LINGO2: variants seen among roughly 807,000 people sequenced by gnomAD.
LINGO2 encodes leucine-rich repeat and immunoglobulin-like domain-containing nogo receptor-interacting protein 2.
A neutral mutation model predicts 30.6 loss-of-function variants in LINGO2; 14 were observed. That is an observed-to-expected ratio of 0.46 (90% confidence interval 0.30 to 0.72). The LOEUF is 0.72. LINGO2 is among the 30% of genes least tolerant of loss of function. The probability of loss-of-function intolerance (pLI) is 0.07; values close to 1 mark genes in which losing one functional copy is unlikely to be tolerated. For synonymous variants in LINGO2, 317 were observed against 288.5 expected, an observed-to-expected ratio of 1.10 and a Z score of -1.00; for missense variants, 729 against 751.7, an observed-to-expected ratio of 0.97 and a Z score of 0.35.
intron 4 of LINGO2, among the ~76,000 whole-genome samples, chr9:28,098,669 C>T (rs970857886): frequency 1.3e-5 from 2 of 152,078 alleles, no homozygotes; most frequent in African/African-American, 4.8e-5. Context: ...TTATAAGAGT[C>T]AAGAATGCTA....
chr9:28,435,905 G>A lies in LINGO2; in HGVS notation c.-279+40035C>T, dbSNP rs180780578. On this transcript the variant is annotated intron_variant, in intron 2 of 5. Coordinates refer to ENST00000379992, the Ensembl canonical transcript of LINGO2. Reference sequence around the variant, plus strand: ...AATAGAAAGAGTGCACTGGGGACGTGAGATTTTAGAACAGTAAATACTCAC... The same window carrying A: ...AATAGAAAGAGTGCACTGGGGACGTAAGATTTTAGAACAGTAAATACTCAC... Among the ~76,000 whole-genome samples, 7 of 152,304 alleles carry A rather than the reference G, an allele frequency of 4.6e-5. No homozygotes were observed. The East Asian group carries it at 1.2e-3, about 25-fold the overall frequency.
At chr9:28,541,033 G>C (rs573642306) in intron 1 of LINGO2, among the ~76,000 whole-genome samples, 1 of 152,124 alleles carries the variant, frequency 6.6e-6, no homozygotes, top group Non-Finnish European at 1.5e-5. Context: ...ACACATTTCT[G>C]ATAGCATTCA....
intron 2 of LINGO2, among the ~76,000 whole-genome samples, chr9:28,438,014 G>GT (rs1271746502): frequency 1.3e-5 from 2 of 152,126 alleles, no homozygotes; most frequent in African/African-American, 2.4e-5. Flanking sequence ...GGGGGAAGTT[G>GT]TAAGTTTGAA....
the LINGO2 span, among the ~76,000 whole-genome samples, chr9:28,717,368 G>T: frequency 6.6e-6 from 1 of 151,726 alleles, no homozygotes; most frequent in Non-Finnish European, 1.5e-5. Flanking sequence ...AAGATGAAGG[G>T]GGGATTTTTA....
chr9:28,479,956 T>TATACAC (rs1491144467), intron 1 of LINGO2, among the ~76,000 whole-genome samples: 1 of 105,050 alleles, frequency 9.5e-6, no homozygotes, highest in East Asian at 2.9e-4. Flanking sequence ...TATATATATA[T>TATACAC]GTACATTTTG....
intron 5 of LINGO2, among the ~76,000 whole-genome samples, chr9:27,996,568 G>C (rs984292966): frequency 2.0e-5 from 3 of 152,142 alleles, no homozygotes; most frequent in Non-Finnish European, 4.4e-5. Flanking sequence ...ATCTCATGGA[G>C]GTAGTAAATG....
chr9:28,368,957 T>C (rs1257591969), intron 3 of LINGO2, among the ~76,000 whole-genome samples: 1 of 152,196 alleles, frequency 6.6e-6, no homozygotes, highest in Non-Finnish European at 1.5e-5. Flanking sequence ...ACTTCTCCAG[T>C]TGAATTACAG....
intron 1 of LINGO2, among the ~76,000 whole-genome samples, chr9:28,607,516 T>C (rs983524827): frequency 1.3e-5 from 2 of 152,058 alleles, no homozygotes; most frequent in African/African-American, 4.8e-5. Flanking sequence ...AGCCTGAAAC[T>C]GCCTTGACTC....
intron 1 of LINGO2, among the ~76,000 whole-genome samples, chr9:28,632,671 T>C (rs1827006163): frequency 7.2e-6 from 1 of 138,810 alleles, no homozygotes; most frequent in Non-Finnish European, 1.5e-5. Flanking sequence ...CTATATAAAA[T>C]ATCTATATAA....
intron 1 of LINGO2, among the ~76,000 whole-genome samples, chr9:28,615,398 G>C (rs1443458666): frequency 6.6e-6 from 1 of 152,124 alleles, no homozygotes; most frequent in African/African-American, 2.4e-5. Flanking sequence ...CAGTATAGCA[G>C]AAAAAGGGCT....
At chr9:28,988,273 C>T in the LINGO2 span, among the ~76,000 whole-genome samples, 1 of 152,022 alleles carries the variant, frequency 6.6e-6, no homozygotes, top group African/African-American at 2.4e-5. Context: ...TCTTTTCATA[C>T]AATATAATAG....
the LINGO2 span, among the ~76,000 whole-genome samples, chr9:29,166,801 C>A: frequency 7.2e-5 from 11 of 152,082 alleles, no homozygotes; most frequent in East Asian, 1.9e-3. Flanking sequence ...ATTATAGGTA[C>A]CTTAAAATCA....
chr9:28,001,510 A>T (rs1281711906), intron 5 of LINGO2, among the ~76,000 whole-genome samples: 1 of 149,384 alleles, frequency 6.7e-6, no homozygotes, highest in Non-Finnish European at 1.5e-5. Flanking sequence ...ATATGCTCCC[A>T]ATCTTCTGCG....
intron 1 of LINGO2, among the ~76,000 whole-genome samples, chr9:28,554,020 A>T (rs543298315): frequency 1.3e-5 from 2 of 152,238 alleles, no homozygotes; most frequent in South Asian, 4.1e-4. Flanking sequence ...GAAAGGAACA[A>T]CTGGTACCAG....
intron 2 of LINGO2, among the ~76,000 whole-genome samples, chr9:28,436,720 G>C (rs2134988343): frequency 1.3e-5 from 2 of 152,276 alleles, no homozygotes. Flanking sequence ...GCCTCCCAAA[G>C]TGCTGGGATT....
At chr9:28,806,069 G>A in the LINGO2 span, among the ~76,000 whole-genome samples, 1 of 140,666 alleles carries the variant, frequency 7.1e-6, no homozygotes, top group African/African-American at 2.5e-5. Context: ...GAGATTTTCA[G>A]TTGTCTCTTA....
the LINGO2 span, among the ~76,000 whole-genome samples, chr9:28,782,737 G>A: frequency 3.2e-4 from 49 of 152,276 alleles, no homozygotes; most frequent in African/African-American, 1.1e-3. Flanking sequence ...TTAGAGTAGT[G>A]AATAACAATA....
intron 3 of LINGO2, among the ~76,000 whole-genome samples, chr9:28,365,614 G>C (rs1411023992): frequency 6.6e-6 from 1 of 152,058 alleles, no homozygotes. Context: ...ACAAAACAGG[G>C]AACACGAAGG....
chr9:28,525,859 T>G (rs1182460713), intron 1 of LINGO2, among the ~76,000 whole-genome samples: 13 of 151,918 alleles, frequency 8.6e-5, no homozygotes, highest in East Asian at 3.9e-4. Context: ...ATGGAGACCA[T>G]CCTGGCTAAC....
Sources: gnomAD v4.1 joint callset for allele counts (sites outside exome capture counted in the v4.1 genomes callset) on GRCh38, gnomAD v4.1.1 for gene constraint, MANE v1.5 for transcripts, NCBI Gene and HGNC (gene_info 2026-07-23, HGNC 2026-07-21) for gene names.